Variants in NWD2 observed in about 807,000 individuals in gnomAD.
The protein encoded by NWD2 is NACHT and WD repeat domain containing 2, also known as NACHT and WD repeat domain-containing protein 2.
A neutral mutation model predicts 132.7 loss-of-function variants in NWD2; 37 were observed. The observed-to-expected ratio is 0.28, with a 90% CI of 0.21 to 0.37. The LOEUF is 0.37. Ranked by LOEUF, NWD2 falls within the 10% of genes least tolerant of loss-of-function variation. NWD2 has a pLI of 1.00. For synonymous variants in NWD2, 705 were observed against 803.0 expected, an observed-to-expected ratio of 0.88 and a Z score of 2.06; for missense variants, 1,592 against 2,122.4, an observed-to-expected ratio of 0.75 and a Z score of 4.91.
chr4:37,394,384 A>G (rs1374080136), intron 3 of NWD2, among the ~76,000 whole-genome samples: 1 of 151,506 alleles, frequency 6.6e-6, no homozygotes, highest in Non-Finnish European at 1.5e-5. Context: ...CTAGACATAA[A>G]TAACAGTTAT....
chr4:37,411,006 G>A (rs1440269995), intron 3 of NWD2, among the ~76,000 whole-genome samples: 1 of 152,106 alleles, frequency 6.6e-6, no homozygotes, highest in Non-Finnish European at 1.5e-5. Context: ...TGTGTAGAGG[G>A]AAATTTATAG....
rs149651394 is a variant in NWD2 at position 37,341,816 on chromosome 4, G to T, written c.241-14550G>T. 4.8e-3 allele frequency among the ~76,000 whole-genome samples: 729 copies of T among 152,274 alleles called. 2 individuals are homozygous for T. Among genetic ancestry groups the T allele is most frequent in the African/African-American group, 0.017 (704 of 41,548 alleles). On this transcript the variant is annotated intron_variant, in intron 2 of 6. Coordinates refer to ENST00000309447, the MANE Select transcript of NWD2 (RefSeq NM_001144990.2). ...TTAAGAAGTAAATAAGTGGCTCTAT[G>T]TAGCTTCTGACTATGTAACAGGAAA...
chr4:37,402,275 C>T (rs971586499), intron 3 of NWD2, among the ~76,000 whole-genome samples: 1 of 152,166 alleles, frequency 6.6e-6, no homozygotes, highest in Non-Finnish European at 1.5e-5. Flanking sequence ...CTCAGATATT[C>T]TTTTATAGCA....
intron 4 of NWD2, 96 bp downstream of exon 4, chr4:37,430,871 T>C (rs1368198703): frequency 1.8e-6 from 2 of 1,118,750 alleles, no homozygotes; most frequent in East Asian, 5.2e-5. Flanking sequence ...AAAGGCAGAG[T>C]AGACAGAAAG....
intron 1 of NWD2, among the ~76,000 whole-genome samples, chr4:37,323,074 C>T (rs1310855052): frequency 6.6e-6 from 1 of 152,100 alleles, no homozygotes; most frequent in Non-Finnish European, 1.5e-5. Context: ...TTTCTAACCC[C>T]TCTGCCCTTT....
chr4:37,255,597 A>G (rs1011622327), intron 1 of NWD2, among the ~76,000 whole-genome samples: 2 of 152,208 alleles, frequency 1.3e-5, no homozygotes, highest in African/African-American at 4.8e-5. Flanking sequence ...ACAGAGTCTG[A>G]ATATCTTGGG....
chr4:37,310,501 T>A (rs1718812648), intron 1 of NWD2, among the ~76,000 whole-genome samples: 1 of 152,174 alleles, frequency 6.6e-6, no homozygotes, highest in African/African-American at 2.4e-5. Flanking sequence ...AAAAAAATAA[T>A]TTGTTTTCTT....
chr4:37,346,391 C>T (rs1032353425), intron 2 of NWD2, among the ~76,000 whole-genome samples: 9 of 152,160 alleles, frequency 5.9e-5, no homozygotes, highest in African/African-American at 2.2e-4. Flanking sequence ...CTTATGCCAG[C>T]ACTATACTGT....
intron 3 of NWD2, among the ~76,000 whole-genome samples, chr4:37,372,891 C>T (rs1214745700): frequency 6.6e-6 from 1 of 152,190 alleles, no homozygotes; most frequent in Non-Finnish European, 1.5e-5. Context: ...AGGATACAGA[C>T]TTATATTTTG....
intron 1 of NWD2, among the ~76,000 whole-genome samples, chr4:37,262,974 A>G (rs1045255241): frequency 2.6e-5 from 4 of 152,148 alleles, no homozygotes; most frequent in African/African-American, 9.7e-5. Flanking sequence ...TGAAGGCAAC[A>G]ACCATTTGGG....
At chr4:37,415,455 A>T (rs934157370) in intron 3 of NWD2, among the ~76,000 whole-genome samples, 1 of 152,192 alleles carries the variant, frequency 6.6e-6, no homozygotes, top group Non-Finnish European at 1.5e-5. Flanking sequence ...CTGTAATCCC[A>T]GCAGTTTGGG....
intron 1 of NWD2, among the ~76,000 whole-genome samples, chr4:37,320,501 G>A (rs1004008590): frequency 1.1e-4 from 16 of 152,136 alleles, no homozygotes; most frequent in African/African-American, 3.6e-4. Flanking sequence ...CTTGGGTTGA[G>A]AGAAGGTGAG....
intron 3 of NWD2, among the ~76,000 whole-genome samples, chr4:37,395,584 C>CAAAA (rs1156884728): frequency 0.13 from 2,440 of 18,246 alleles, 635 homozygotes; most frequent in Middle Eastern, 0.17. Context: ...AACTCTGTCT[C>CAAAA]AAAAAAAAAA....
intron 2 of NWD2, 129 bp from the exon 3 acceptor site, chr4:37,356,237 A>G (rs1359233629): frequency 2.0e-6 from 1 of 492,354 alleles, no homozygotes; most frequent in Non-Finnish European, 3.6e-6. Flanking sequence ...AATGGATCTT[A>G]AAAATCACTT....
chr4:37,427,153 A>G (rs1192280343), intron 3 of NWD2, among the ~76,000 whole-genome samples: 1 of 151,908 alleles, frequency 6.6e-6, no homozygotes, highest in Non-Finnish European at 1.5e-5. Context: ...CCAATGACCA[A>G]ACTCCATCTG....
intron 3 of NWD2, among the ~76,000 whole-genome samples, chr4:37,408,706 G>C (rs922293229): frequency 6.6e-6 from 1 of 152,168 alleles, no homozygotes; most frequent in Non-Finnish European, 1.5e-5. Context: ...CCTCGAGTGG[G>C]TCCCTGACCC....
At chr4:37,252,710 G>T (rs148636666) in intron 1 of NWD2, among the ~76,000 whole-genome samples, 2 of 152,284 alleles carry the variant, frequency 1.3e-5, no homozygotes, top group Non-Finnish European at 2.9e-5. Flanking sequence ...CCTCCATGAG[G>T]GTATTCTCTC....
At chr4:37,259,494 C>T (rs573543932) in intron 1 of NWD2, among the ~76,000 whole-genome samples, 1 of 152,284 alleles carries the variant, frequency 6.6e-6, no homozygotes, top group South Asian at 2.1e-4. Flanking sequence ...TTCCTCGTGA[C>T]CTGAGTCCTG....
At chr4:37,410,640 G>A (rs1721136756) in intron 3 of NWD2, among the ~76,000 whole-genome samples, 1 of 152,166 alleles carries the variant, frequency 6.6e-6, no homozygotes, top group Admixed American at 6.5e-5. Context: ...TCTGGACCAA[G>A]CGGAACTAAT....
Sources: allele counts gnomAD v4.1 joint callset (sites outside exome capture counted in the v4.1 genomes callset), GRCh38; gene constraint gnomAD v4.1.1; transcripts MANE v1.5; gene names NCBI Gene and HGNC (gene_info 2026-07-23, HGNC 2026-07-21).